Variants in ASB5 observed in about 807,000 individuals in gnomAD.
ASB5 encodes the protein ankyrin repeat and SOCS box protein 5.
A neutral mutation model predicts 42.1 loss-of-function variants in ASB5; 45 were observed. The observed-to-expected ratio is 1.07, with a 90% CI of 0.84 to 1.37. The LOEUF (loss-of-function observed/expected upper bound fraction) is 1.37. Among genes scored for constraint, ASB5 ranks in the 40% most tolerant of loss-of-function variants. The pLI, the probability that ASB5 is intolerant of heterozygous loss-of-function variation, is 0.00. For missense variants in ASB5, 402 were observed against 399.8 expected (o/e 1.01, Z -0.05); for synonymous variants, 147 against 150.6 (o/e 0.98, Z 0.18).
intron 1 of ASB5, among the ~76,000 whole-genome samples, chr4:176,260,667 T>C (rs562183654): frequency 2.3e-4 from 35 of 152,124 alleles, no homozygotes; most frequent in Non-Finnish European, 4.3e-4. Flanking sequence ...GTTGCTGTTG[T>C]TTGTTTTTGT....
At chr4:176,233,502 G>A (rs1366025715) in intron 1 of ASB5, among the ~76,000 whole-genome samples, 1 of 151,820 alleles carries the variant, frequency 6.6e-6, no homozygotes, top group South Asian at 2.1e-4. Flanking sequence ...TTTCTCTATT[G>A]GTTTAAACAG....
chr4:176,252,077 A>G (rs1430276235), intron 1 of ASB5, among the ~76,000 whole-genome samples: 2 of 42,244 alleles, frequency 4.7e-5, no homozygotes, highest in Non-Finnish European at 9.6e-5. Flanking sequence ...AAAAAAAAAA[A>G]AAAAAAGAAA....
At chr4:176,276,731 T>G (rs1385101547) in intron 1 of ASB5, among the ~76,000 whole-genome samples, 2 of 152,180 alleles carry the variant, frequency 1.3e-5, no homozygotes, top group East Asian at 3.8e-4. Flanking sequence ...GAAGATGTGA[T>G]CGTGGCAATG....
In ASB5 at chr4:176,241,215, A is replaced by C. The variant is rs901885364; in HGVS notation, c.197-15874T>G. On this transcript the variant is annotated intron_variant, in intron 1 of 6. Coordinates refer to ENST00000296525, the MANE Select transcript of ASB5 (RefSeq NM_080874.4). ...ACAGGTTGATAATTTTTATTTTCTGAAAAGCAACTCAGTTCACAAACTGCC... is the reference window on the plus strand; with the variant it reads ...ACAGGTTGATAATTTTTATTTTCTGCAAAGCAACTCAGTTCACAAACTGCC... Among the ~76,000 whole-genome samples, 5 of 152,190 alleles carry C rather than the reference A, an allele frequency of 3.3e-5. No individual in the cohort carries two copies. In the East Asian group the frequency reaches 9.6e-4, roughly 29 times the overall value.
chr4:176,226,175 T>C (rs981622494), intron 1 of ASB5, among the ~76,000 whole-genome samples: 1 of 152,046 alleles, frequency 6.6e-6, no homozygotes, highest in African/African-American at 2.4e-5. Context: ...GGTGGCTGAG[T>C]AGAGAGAGCT....
intron 6 of ASB5, 29 bp from the exon 7 acceptor site, chr4:176,215,756 A>T: frequency 6.3e-7 from 1 of 1,583,856 alleles, no homozygotes; most frequent in Non-Finnish European, 8.6e-7. Flanking sequence ...CTATTTGTTA[A>T]TTAAAATAGA....
chr4:176,241,670 A>G, intron 1 of ASB5: 2 of 1,353,400 alleles, frequency 1.5e-6, no homozygotes, highest in Non-Finnish European at 1.9e-6. Context: ...GCCTAGTGAT[A>G]GTGAGTGAGG....
intron 5 of ASB5, among the ~76,000 whole-genome samples, chr4:176,219,287 T>C (rs1484263257): frequency 9.1e-6 from 1 of 110,384 alleles, no homozygotes; most frequent in African/African-American, 3.5e-5. Flanking sequence ...GATATATAAA[T>C]ATATATATTT....
At chr4:176,249,868 A>C (rs1224673376) in intron 1 of ASB5, among the ~76,000 whole-genome samples, 2 of 151,882 alleles carry the variant, frequency 1.3e-5, no homozygotes, top group Non-Finnish European at 2.9e-5. Flanking sequence ...GATGGAGACC[A>C]TCCTGGCTAA....
chr4:176,250,611 A>T (rs1337064956), intron 1 of ASB5, among the ~76,000 whole-genome samples: 3 of 152,178 alleles, frequency 2.0e-5, no homozygotes, highest in Non-Finnish European at 4.4e-5. Flanking sequence ...AGGTCGAGAG[A>T]GGGGAGGTGG....
chr4:176,216,221 G>C (rs928930332), intron 6 of ASB5, among the ~76,000 whole-genome samples: 1 of 151,708 alleles, frequency 6.6e-6, no homozygotes, highest in Non-Finnish European at 1.5e-5. Context: ...TATAAAATGG[G>C]GCATGCTCCA....
At chr4:176,267,151 C>T (rs1454974158) in intron 1 of ASB5, among the ~76,000 whole-genome samples, 4 of 152,098 alleles carry the variant, frequency 2.6e-5, no homozygotes, top group East Asian at 1.9e-4. Flanking sequence ...TGCTACAGGC[C>T]GCCCATGAGG....
chr4:176,219,979 T>C (rs2126942798), intron 5 of ASB5, among the ~76,000 whole-genome samples: 1 of 152,262 alleles, frequency 6.6e-6, no homozygotes, highest in East Asian at 1.9e-4. Context: ...AGAAGAATTG[T>C]CTTGGGCCAC....
At chr4:176,258,960 C>T (rs1289988065) in intron 1 of ASB5, among the ~76,000 whole-genome samples, 1 of 151,994 alleles carries the variant, frequency 6.6e-6, no homozygotes, top group Non-Finnish European at 1.5e-5. Flanking sequence ...ACTTAATGTT[C>T]AGTAAAGGTT....
In ASB5 at chr4:176,216,720, C is replaced by A. The variant is rs533566913; in HGVS notation, c.862+98G>T. 5 of 964,484 alleles carry A rather than the reference C, an allele frequency of 5.2e-6. No homozygotes were observed. In the Admixed American group the frequency reaches 1.4e-4, roughly 27 times the overall value. 59.7% of individuals were successfully genotyped at this position (964,484 alleles called of 1,614,324 possible). On this transcript the variant is annotated intron_variant, in intron 6 of 6. Transcript: ENST00000296525. ...CACAAATAATATTCCACATTTTATG[C>A]CATTGTTACTTTCCATGCCAACAAA...
intron 2 of ASB5, among the ~76,000 whole-genome samples, chr4:176,275,473 T>C (rs768733858): frequency 2.0e-5 from 3 of 152,228 alleles, no homozygotes; most frequent in Non-Finnish European, 4.4e-5. Flanking sequence ...CATGTTCTTA[T>C]TAGACTTATA....
intron 1 of ASB5, among the ~76,000 whole-genome samples, chr4:176,259,538 T>C (rs1431735191): frequency 1.3e-5 from 2 of 152,226 alleles, no homozygotes; most frequent in East Asian, 3.9e-4. Context: ...TGTAGTGCAT[T>C]GAGTCTGCTT....
chr4:176,274,909 A>ATTTTTTTT (rs35690692), intron 2 of ASB5, among the ~76,000 whole-genome samples: 3 of 106,298 alleles, frequency 2.8e-5, no homozygotes, highest in Non-Finnish European at 3.7e-5. Flanking sequence ...CAGCATAGCA[A>ATTTTTTTT]TTTTTTTTTT....
At chr4:176,241,811 T>A in intron 1 of ASB5, 1 of 408,428 alleles carries the variant, frequency 2.4e-6, no homozygotes, top group East Asian at 5.9e-5. Flanking sequence ...AAACTACAGA[T>A]GTCAATCTTG....
Sources: gnomAD v4.1 joint callset for allele counts (sites outside exome capture counted in the v4.1 genomes callset) on GRCh38, gnomAD v4.1.1 for gene constraint, MANE v1.5 for transcripts, NCBI Gene and HGNC (gene_info 2026-07-23, HGNC 2026-07-21) for gene names.